Variants in UNC80 observed in about 807,000 individuals in gnomAD.
UNC80 encodes the protein unc-80 subunit of NALCN channel complex.
A neutral mutation model predicts 384.6 loss-of-function variants in UNC80; 164 were observed. The observed-to-expected ratio is 0.43, with a 90% confidence interval of 0.38 to 0.49. The LOEUF is 0.49. Ranked by LOEUF, UNC80 falls within the 20% of genes least tolerant of loss-of-function variation. The pLI, the probability that UNC80 is intolerant of heterozygous loss-of-function variation, is 0.00. For missense variants in UNC80, 3,330 were observed against 4,143.0 expected (o/e 0.80, Z 5.39); for synonymous variants, 1,486 against 1,527.8 (o/e 0.97, Z 0.64).
chr2:209,976,005 G>A lies in UNC80; in HGVS notation c.8588-114G>A, dbSNP rs77699726. ...CATACGAAGTTTTTAGAAACATGGA[G>A]AGAGCTTAGAAATTTAGAAAATTTC... On this transcript the variant is annotated intron_variant, in intron 56 of 64. Coordinates refer to ENST00000673920, the MANE Select transcript of UNC80 (RefSeq NM_001371986.1). The surrounding 1 kb of genome is among the most constrained non-coding windows in gnomAD (Gnocchi z 4.3). The A allele has an allele frequency of 0.027, 31,149 of 1,162,368 alleles. 965 individuals carry two copies. The highest frequency in any genetic ancestry group is 0.13 in the South Asian group (7,800 of 58,620). 72.0% of individuals were successfully genotyped at this position (1,162,368 alleles called of 1,614,324 possible).
At chr2:209,867,546 T>C (rs2083940372) in intron 22 of UNC80, among the ~76,000 whole-genome samples, 1 of 152,116 alleles carries the variant, frequency 6.6e-6, no homozygotes, top group Non-Finnish European at 1.5e-5. Flanking sequence ...AGCCAAACCT[T>C]GTCAGGCAAA....
chr2:209,800,092 G>C (rs1395149280), intron 7 of UNC80, among the ~76,000 whole-genome samples: 1 of 152,126 alleles, frequency 6.6e-6, no homozygotes, highest in East Asian at 1.9e-4. Context: ...AATGAGTTAG[G>C]GAGGAATCCC....
At chr2:209,809,531 C>T (rs889700536) in intron 7 of UNC80, 4 of 1,027,566 alleles carry the variant, frequency 3.9e-6, no homozygotes, top group Admixed American at 3.5e-5. Flanking sequence ...TCCCGAATGG[C>T]CCTGCTCCAC....
At chr2:209,891,615 G>A (rs1228447999) in intron 26 of UNC80, among the ~76,000 whole-genome samples, 2 of 151,826 alleles carry the variant, frequency 1.3e-5, no homozygotes. Context: ...ATGTAAATTG[G>A]CTTTAATATT....
intron 29 of UNC80, among the ~76,000 whole-genome samples, chr2:209,907,387 T>C (rs1335188069): frequency 6.6e-6 from 1 of 151,870 alleles, no homozygotes; most frequent in Non-Finnish European, 1.5e-5. Flanking sequence ...CCCAAATTGA[T>C]GTAAAATTAC....
intron 2 of UNC80, among the ~76,000 whole-genome samples, chr2:209,774,814 A>C (rs1250814129): frequency 2.0e-5 from 3 of 152,082 alleles, no homozygotes; most frequent in Non-Finnish European, 4.4e-5. Context: ...CTTTACCAAA[A>C]CCTCAGTGTG....
intron 18 of UNC80, among the ~76,000 whole-genome samples, chr2:209,836,572 T>C (rs1217526108): frequency 6.6e-6 from 1 of 152,250 alleles, no homozygotes; most frequent in African/African-American, 2.4e-5. Flanking sequence ...TGAAGATACA[T>C]GTTTCAATAT....
At chr2:209,970,652 T>C (rs1046432335) in intron 53 of UNC80, among the ~76,000 whole-genome samples, 180 bp from the exon 54 acceptor site, 55 of 152,240 alleles carry the variant, frequency 3.6e-4, no homozygotes, top group African/African-American at 1.3e-3. Flanking sequence ...TTCAGTGTAA[T>C]GTTCGATCTG....
chr2:209,964,667 A>C (rs2092693150), intron 51 of UNC80, among the ~76,000 whole-genome samples: 3 of 151,944 alleles, frequency 2.0e-5, no homozygotes, highest in South Asian at 4.2e-4. Context: ...ATGCGCCTGT[A>C]GTCCCAGCTA....
intron 40 of UNC80, 37 bp from the exon 41 acceptor site, chr2:209,936,807 G>A: frequency 2.1e-6 from 3 of 1,416,524 alleles, no homozygotes; most frequent in Non-Finnish European, 2.0e-6. Context: ...ATATCTTCCT[G>A]ATAAACATTT....
rs2081588091 is a variant in UNC80, at chr2:209,839,546, A to G, written c.3250+116A>G. ...AAGACCTTCAAGTCATAAGACCTAGACTGACTTCATTCATTCATTCATTTA... is the reference window on the plus strand; with the variant it reads ...AAGACCTTCAAGTCATAAGACCTAGGCTGACTTCATTCATTCATTCATTTA... On this transcript the variant is annotated intron_variant, in intron 19 of 64. Transcript: ENST00000673920. This position sits in a 1 kb window ranked among gnomAD's most constrained non-coding sequence, Gnocchi z 4.1. 9.6e-7 allele frequency: 1 copy of G among 1,038,602 alleles called. No homozygotes were observed. Among genetic ancestry groups the G allele is most frequent in the South Asian group, 1.6e-5 (1 of 62,706 alleles). 64.3% of individuals were successfully genotyped at this position (1,038,602 alleles called of 1,614,324 possible). A position where few individuals can be genotyped will look rare whatever the true frequency, so the allele number is the denominator to read the frequency against.
In UNC80 at chr2:209,934,005, G is replaced by A; in HGVS notation, c.6178G>A (p.Gly2060Ser). 2 of 1,532,828 alleles carry A rather than the reference G, an allele frequency of 1.3e-6. No individual in the cohort carries two copies. The highest frequency in any genetic ancestry group is 1.8e-6 in the Non-Finnish European group (2 of 1,137,796). The allele number at this position is 1,532,828 out of a possible 1,614,324, so 95.0% of individuals were successfully genotyped here. A position where few individuals can be genotyped will look rare whatever the true frequency, so the allele number is the denominator to read the frequency against. ...GCTCCTGGTGACCGCTTCAATGCCA[G>A]GTAAGCCACTACTACTTTTTAGTAA... is the stretch of plus-strand genomic sequence containing the variant. ...VKLLVTASMP[G>S]TKTLVVHGQN... The change falls in exon 39 of 65, where the codon GGT (glycine) becomes AGT (serine). Residue 2060 changes from glycine to serine, a missense_variant and splice_region_variant. This residue lies in a region of UNC80 where 1,049 missense variants were observed against 1,488.6 expected (regional missense o/e 0.70). Coordinates refer to ENST00000673920, the MANE Select transcript of UNC80 (RefSeq NM_001371986.1).
In UNC80 at chr2:209,946,364, T is replaced by C. The variant is rs140708432; in HGVS notation, c.7286+421T>C. Among the ~76,000 whole-genome samples the C allele has an allele frequency of 9.5e-3, 1,380 of 145,524 alleles. 25 individuals carry two copies. The highest frequency in any genetic ancestry group is 0.033 in the African/African-American group (1,267 of 38,750). On this transcript the variant is annotated intron_variant, in intron 47 of 64. Coordinates refer to ENST00000673920, the MANE Select transcript of UNC80 (RefSeq NM_001371986.1). ...TGGCCTAGGCAACAGAGTAAGACTT[T>C]GTCAGAAAAAAAAAAAAAGAAAGAA... is the stretch of plus-strand genomic sequence containing the variant.
In UNC80 at chr2:209,772,078, G is replaced by C. The variant is rs2076603742; in HGVS notation, c.6G>C (p.Val2=). Reference sequence around the variant, plus strand: ...GACTCCCGGGAGCCACCATTATGGTGAAGAGGAAGAGCTCCGAGGGCCAGG... The same window carrying C: ...GACTCCCGGGAGCCACCATTATGGTCAAGAGGAAGAGCTCCGAGGGCCAGG... M[V]KRKSSEGQEQ... Residue 2 remains valine, a synonymous_variant, in exon 1 of 65, where the codon GTG becomes GTC. Coordinates refer to ENST00000673920, the MANE Select transcript of UNC80 (RefSeq NM_001371986.1). 6.5e-7 allele frequency: 1 copy of C among 1,549,696 alleles called. No individual in the cohort carries two copies. Among genetic ancestry groups the C allele is most frequent in the African/African-American group, 1.4e-5 (1 of 73,062 alleles).
At chr2:209,790,444 T>C (rs1288761589) in intron 6 of UNC80, among the ~76,000 whole-genome samples, 2 of 152,232 alleles carry the variant, frequency 1.3e-5, no homozygotes. Context: ...CTGTGATTTG[T>C]ATGCTGTAAG....
Position 209,922,261 on chromosome 2 carries a change from T to C in UNC80, c.5540T>C (p.Val1847Ala). 6.4e-7 allele frequency: 1 copy of C among 1,552,134 alleles called. No homozygotes were observed. Among genetic ancestry groups the C allele is most frequent in the South Asian group, 1.2e-5 (1 of 84,030 alleles). The part of the protein sequence containing the change: ...NSEPEEEVEE[V>A]TNLASRRLSV... ...CCATTTTGTTTGCCAGTAGAAGAAG[T>C]CACCAATCTGGCATCCCGTCGACTG... Residue 1847 changes from valine (V) to alanine (A), a missense_variant, in exon 35 of 65, where the codon GTC becomes GCC. Coordinates refer to ENST00000673920, the MANE Select transcript of UNC80 (RefSeq NM_001371986.1).
Position 209,833,992 on chromosome 2 carries a change from C to T in UNC80, c.2776-10C>T. ...TTTCTTTCTCCAACTTCCTTCTTGC[C>T]TCCAAACAGGGACTGTATTGTGACA... On this transcript the variant is annotated splice_polypyrimidine_tract_variant and intron_variant, in intron 16 of 64. Coordinates refer to ENST00000673920, the MANE Select transcript of UNC80 (RefSeq NM_001371986.1). 6.5e-7 allele frequency: 1 copy of T among 1,548,198 alleles called. No homozygotes were observed. Among genetic ancestry groups the T allele is most frequent in the Non-Finnish European group, 8.7e-7 (1 of 1,145,914 alleles).
intron 22 of UNC80, among the ~76,000 whole-genome samples, chr2:209,852,246 G>T (rs939301802): frequency 1.3e-5 from 2 of 152,002 alleles, no homozygotes; most frequent in Non-Finnish European, 2.9e-5. Flanking sequence ...TCAAGGTCAA[G>T]CTGTGTGTAG....
rs117995263 is a variant in UNC80 at position 209,868,576 on chromosome 2, G to A, written c.3628-4182G>A. Among the ~76,000 whole-genome samples the A allele has an allele frequency of 3.9e-3, 588 of 152,226 alleles. 1 individual carries two copies. Among genetic ancestry groups the A allele is most frequent in the Admixed American group, 5.7e-3 (87 of 15,276 alleles). Reference sequence around the variant, plus strand: ...TCTCTGCCTCACTTTCATAAAGGAAGTATTCAATATACATAATGATCTTAT... The same window carrying A: ...TCTCTGCCTCACTTTCATAAAGGAAATATTCAATATACATAATGATCTTAT... On this transcript the variant is annotated intron_variant, in intron 22 of 64. Transcript: ENST00000673920.
Sources: allele counts gnomAD v4.1 joint callset (sites outside exome capture counted in the v4.1 genomes callset), GRCh38; gene constraint gnomAD v4.1.1; regional missense constraint gnomAD v4.1.1; non-coding constraint Gnocchi (gnomAD v3.1); transcripts MANE v1.5; gene names NCBI Gene and HGNC (gene_info 2026-07-23, HGNC 2026-07-21).